NDUFAF2: variants seen among roughly 807,000 people sequenced by gnomAD.
NDUFAF2 encodes the protein NADH dehydrogenase [ubiquinone] 1 alpha subcomplex assembly factor 2.
In NDUFAF2, 13 loss-of-function variants were observed where a neutral mutation model predicts 22.8. The observed-to-expected ratio is 0.57, with a 90% CI of 0.37 to 0.91. The LOEUF is 0.91. NDUFAF2 is among the 40% of genes least tolerant of loss of function. The pLI, the probability that NDUFAF2 is intolerant of heterozygous loss-of-function variation, is 0.01. For synonymous variants in NDUFAF2, 53 were observed against 64.2 expected, an observed-to-expected ratio of 0.83 and a Z score of 0.84; for missense variants, 162 against 195.2, an observed-to-expected ratio of 0.83 and a Z score of 1.01.
At chr5:61,000,886 A>G (rs1219945842) in intron 1 of NDUFAF2, among the ~76,000 whole-genome samples, 1 of 152,200 alleles carries the variant, frequency 6.6e-6, no homozygotes, top group East Asian at 1.9e-4. Flanking sequence ...AGATACTAAT[A>G]GAGAATGGGT....
intron 1 of NDUFAF2, among the ~76,000 whole-genome samples, chr5:61,029,787 C>G (rs774567427): frequency 3.1e-4 from 47 of 152,128 alleles, no homozygotes; most frequent in Non-Finnish European, 3.8e-4. Context: ...AAACATACAT[C>G]TCTAGTCCCA....
At chr5:60,991,593 A>G (rs1240190061) in intron 1 of NDUFAF2, among the ~76,000 whole-genome samples, 1 of 152,224 alleles carries the variant, frequency 6.6e-6, no homozygotes, top group Admixed American at 6.5e-5. Context: ...CACTTAACAT[A>G]GCAATCTCCA....
intron 1 of NDUFAF2, among the ~76,000 whole-genome samples, chr5:61,038,656 C>T (rs1284808569): frequency 6.6e-6 from 1 of 152,096 alleles, no homozygotes; most frequent in Non-Finnish European, 1.5e-5. Flanking sequence ...CAAATGCTTG[C>T]TTAATGTTTG....
intron 3 of NDUFAF2, among the ~76,000 whole-genome samples, chr5:61,134,405 G>A (rs891999373): frequency 5.3e-5 from 8 of 152,164 alleles, no homozygotes; most frequent in East Asian, 1.9e-4. Context: ...CATTAATCCC[G>A]CCAGGCGCGG....
chr5:61,145,928 C>G (rs1171096950), intron 3 of NDUFAF2: 2 of 152,118 alleles, frequency 1.3e-5, no homozygotes, highest in Non-Finnish European at 2.9e-5. Context: ...GCATGACTCT[C>G]AATTGTCAAC....
chr5:61,082,603 T>C (rs1034337012), intron 2 of NDUFAF2, among the ~76,000 whole-genome samples: 4 of 152,142 alleles, frequency 2.6e-5, no homozygotes, highest in Non-Finnish European at 5.9e-5. Context: ...CTCCCACTTA[T>C]TAGGGAGAAC....
intron 3 of NDUFAF2, among the ~76,000 whole-genome samples, chr5:61,138,199 A>G (rs1434888098): frequency 6.6e-6 from 1 of 152,206 alleles, no homozygotes; most frequent in Non-Finnish European, 1.5e-5. Flanking sequence ...TGTTAGTGAG[A>G]AGTGGCATGA....
intron 1 of NDUFAF2, among the ~76,000 whole-genome samples, chr5:60,999,339 G>A (rs1376868805): frequency 6.6e-6 from 1 of 152,006 alleles, no homozygotes; most frequent in Non-Finnish European, 1.5e-5. Context: ...GGATGAATGA[G>A]TAAACAAAAT....
At chr5:60,968,980 G>A (rs1366120045) in intron 1 of NDUFAF2, among the ~76,000 whole-genome samples, 1 of 151,930 alleles carries the variant, frequency 6.6e-6, no homozygotes, top group African/African-American at 2.4e-5. Context: ...TTTCTGTGCT[G>A]GGCTTATTCC....
intron 1 of NDUFAF2, among the ~76,000 whole-genome samples, chr5:60,964,386 C>T (rs1441718496): frequency 6.6e-6 from 1 of 151,488 alleles, no homozygotes; most frequent in East Asian, 1.9e-4. Context: ...ATATGTATTA[C>T]CTCATAATTT....
chr5:61,063,751 A>G (rs926570401), intron 1 of NDUFAF2, among the ~76,000 whole-genome samples: 4 of 152,266 alleles, frequency 2.6e-5, no homozygotes, highest in African/African-American at 7.2e-5. Context: ...GATGAATGAT[A>G]AAGAGAAATG....
chr5:61,015,073 A>G (rs941252209), intron 1 of NDUFAF2, among the ~76,000 whole-genome samples: 1 of 152,186 alleles, frequency 6.6e-6, no homozygotes, highest in Non-Finnish European at 1.5e-5. Context: ...AAGTCAAAGA[A>G]CTATCACAAG....
At chr5:61,001,390 G>A (rs1751293233) in intron 1 of NDUFAF2, among the ~76,000 whole-genome samples, 2 of 152,108 alleles carry the variant, frequency 1.3e-5, no homozygotes, top group Admixed American at 6.6e-5. Context: ...TTTCTGAAGG[G>A]AAAACCATTG....
chr5:60,981,292 C>T (rs183371567), intron 1 of NDUFAF2, among the ~76,000 whole-genome samples: 3 of 152,240 alleles, frequency 2.0e-5, no homozygotes, highest in Admixed American at 6.5e-5. Flanking sequence ...ACATATTTAA[C>T]ATGCTGAAAG....
chr5:61,075,139 A>G (rs939601442), intron 2 of NDUFAF2, among the ~76,000 whole-genome samples: 1 of 152,188 alleles, frequency 6.6e-6, no homozygotes, highest in Non-Finnish European at 1.5e-5. Context: ...CCTAAGGCCT[A>G]AAAAGGTTAG....
chr5:61,022,497 T>C (rs1336421976), intron 1 of NDUFAF2, among the ~76,000 whole-genome samples: 1 of 152,234 alleles, frequency 6.6e-6, no homozygotes, highest in African/African-American at 2.4e-5. Flanking sequence ...GAGGATATTA[T>C]TCTGTTGTTT....
rs1752572723 is a variant in NDUFAF2, at chr5:61,091,894, G to C, written c.218-7098G>C. Among the ~76,000 whole-genome samples the C allele has an allele frequency of 2.6e-5, 4 of 152,138 alleles. No individual in the cohort carries two copies. In the South Asian group the frequency reaches 8.3e-4, roughly 31 times the overall value. On this transcript the variant is annotated intron_variant, in intron 2 of 3. Transcript: ENST00000296597. The stretch of plus-strand genomic sequence containing the variant: ...TGTGTGTGTATAAGGAAGTGGTCCA[G>C]TTCCAATTTTCTGCATATGGCTAGC...
intron 2 of NDUFAF2, among the ~76,000 whole-genome samples, chr5:61,076,188 A>G (rs1013613011): frequency 1.1e-4 from 16 of 152,108 alleles, no homozygotes; most frequent in African/African-American, 3.6e-4. Flanking sequence ...CTCCCGCCTC[A>G]GCCTCCTGAG....
intron 3 of NDUFAF2, chr5:61,115,839 A>G (rs914013904): frequency 4.6e-5 from 7 of 152,188 alleles, no homozygotes; most frequent in Non-Finnish European, 1.0e-4. Flanking sequence ...AATCTCCTAG[A>G]AAAAAGGAAA....
Sources: allele counts gnomAD v4.1 joint callset (sites outside exome capture counted in the v4.1 genomes callset), GRCh38; gene constraint gnomAD v4.1.1; transcripts MANE v1.5; gene names NCBI Gene and HGNC (gene_info 2026-07-23, HGNC 2026-07-21).